GALNT13: variants seen among roughly 807,000 people sequenced by gnomAD.
The protein encoded by GALNT13 is UDP-GalNAc:polypeptide N-acetylgalactosaminyltransferase 13.
Under a neutral mutation model 64.2 loss-of-function variants are expected in GALNT13, and 28 were observed. The observed-to-expected ratio is 0.44, with a 90% CI of 0.32 to 0.60. The LOEUF (loss-of-function observed/expected upper bound fraction) is 0.60. Among genes scored for constraint, GALNT13 ranks in the 20% least tolerant of loss-of-function variants. GALNT13 has a pLI of 0.05. For missense variants in GALNT13, 577 were observed against 669.8 expected, an observed-to-expected ratio of 0.86 and a Z score of 1.53; for synonymous variants, 214 against 224.6, an observed-to-expected ratio of 0.95 and a Z score of 0.42.
intron 3 of GALNT13, among the ~76,000 whole-genome samples, chr2:154,010,563 C>T (rs1390538956): frequency 1.3e-5 from 2 of 152,022 alleles, no homozygotes; most frequent in African/African-American, 4.8e-5. Flanking sequence ...TTTGTTGTGT[C>T]TCTTCCAGCA....
At chr2:153,634,587 G>A in the GALNT13 span, among the ~76,000 whole-genome samples, 2 of 123,952 alleles carry the variant, frequency 1.6e-5, no homozygotes, top group East Asian at 4.7e-4. Context: ...GTCTCGCTCT[G>A]TCACCCAGGC....
the GALNT13 span, among the ~76,000 whole-genome samples, chr2:153,515,448 C>G: frequency 6.6e-6 from 1 of 152,188 alleles, no homozygotes; most frequent in African/African-American, 2.4e-5. Flanking sequence ...TACCCATTCT[C>G]CCACCATCAG....
chr2:153,484,910 T>C, the GALNT13 span, among the ~76,000 whole-genome samples: 1 of 152,240 alleles, frequency 6.6e-6, no homozygotes, highest in Non-Finnish European at 1.5e-5. Flanking sequence ...TTCCTGGGTC[T>C]ATCTACTGAG....
chr2:153,827,638 A>T, the GALNT13 span, among the ~76,000 whole-genome samples: 1 of 151,958 alleles, frequency 6.6e-6, no homozygotes, highest in Non-Finnish European at 1.5e-5. Flanking sequence ...AAAAAAAAAA[A>T]AAAAACGATT....
chr2:153,261,187 C>T, the GALNT13 span, among the ~76,000 whole-genome samples: 1 of 152,082 alleles, frequency 6.6e-6, no homozygotes, highest in Non-Finnish European at 1.5e-5. Flanking sequence ...ATCTCTGTCT[C>T]TTTGAGATTG....
the GALNT13 span, among the ~76,000 whole-genome samples, chr2:153,464,858 TAAA>T: frequency 6.6e-6 from 1 of 151,918 alleles, no homozygotes; most frequent in African/African-American, 2.4e-5. Context: ...TTTATTGAAA[TAAA>T]AAATAATAAA....
At chr2:153,351,168 A>G in the GALNT13 span, among the ~76,000 whole-genome samples, 2 of 152,188 alleles carry the variant, frequency 1.3e-5, no homozygotes, top group Admixed American at 1.3e-4. Flanking sequence ...TGGTGTGTGC[A>G]ACTTTACTTA....
intron 10 of GALNT13, among the ~76,000 whole-genome samples, chr2:154,402,019 T>C (rs1699323927): frequency 6.6e-6 from 1 of 152,174 alleles, no homozygotes; most frequent in Non-Finnish European, 1.5e-5. Context: ...AATATTAACA[T>C]TAAGCTCTGG....
At chr2:153,324,321 T>C in the GALNT13 span, among the ~76,000 whole-genome samples, 2 of 152,214 alleles carry the variant, frequency 1.3e-5, no homozygotes, top group African/African-American at 4.8e-5. Context: ...ATAGGAATGC[T>C]TGTGATTTTT....
At chr2:154,161,896 T>C (rs1241660999) in intron 4 of GALNT13, among the ~76,000 whole-genome samples, 1 of 151,924 alleles carries the variant, frequency 6.6e-6, no homozygotes, top group Admixed American at 6.6e-5. Flanking sequence ...TTCTCCTGCC[T>C]CAGCCACCCG....
chr2:153,332,738 A>G, the GALNT13 span, among the ~76,000 whole-genome samples: 3 of 152,086 alleles, frequency 2.0e-5, no homozygotes, highest in Admixed American at 1.3e-4. Context: ...TTGTTGCACA[A>G]TGATCTATAT....
chr2:153,794,356 A>G, the GALNT13 span, among the ~76,000 whole-genome samples: 24 of 152,224 alleles, frequency 1.6e-4, no homozygotes, highest in African/African-American at 5.3e-4. Context: ...TAAGTCATTT[A>G]TCTTTTAGAG....
At chr2:153,206,382 A>C in the GALNT13 span, among the ~76,000 whole-genome samples, 1 of 152,102 alleles carries the variant, frequency 6.6e-6, no homozygotes, top group Non-Finnish European at 1.5e-5. Context: ...TAAAGTGGGC[A>C]TTGTAATAAC....
At chr2:153,264,961 G>A in the GALNT13 span, among the ~76,000 whole-genome samples, 1 of 152,276 alleles carries the variant, frequency 6.6e-6, no homozygotes, top group Non-Finnish European at 1.5e-5. Context: ...AATTAAAAAT[G>A]TTCTCTTGGA....
chr2:153,974,631 A>C (rs1019411166), intron 3 of GALNT13, among the ~76,000 whole-genome samples: 1 of 152,104 alleles, frequency 6.6e-6, no homozygotes, highest in Non-Finnish European at 1.5e-5. Flanking sequence ...CTATGTAAAA[A>C]AATAAGTGGA....
At chr2:153,214,905 A>C in the GALNT13 span, among the ~76,000 whole-genome samples, 1 of 152,076 alleles carries the variant, frequency 6.6e-6, no homozygotes, top group Admixed American at 6.6e-5. Flanking sequence ...TCACCTAAAA[A>C]CTCTTGGGTA....
chr2:153,400,220 A>G, the GALNT13 span, among the ~76,000 whole-genome samples: 1 of 151,550 alleles, frequency 6.6e-6, no homozygotes, highest in South Asian at 2.1e-4. Flanking sequence ...TATATGCTGG[A>G]TTACATTTAT....
At chr2:153,625,786 G>A in the GALNT13 span, among the ~76,000 whole-genome samples, 27 of 151,636 alleles carry the variant, frequency 1.8e-4, 1 homozygote, top group Non-Finnish European at 7.4e-5. Flanking sequence ...ACAGGGGATC[G>A]TTCTTCATTC....
chr2:153,597,760 T>C, the GALNT13 span, among the ~76,000 whole-genome samples: 2 of 152,094 alleles, frequency 1.3e-5, no homozygotes, highest in African/African-American at 4.8e-5. Context: ...TATGTTCTTA[T>C]AGCTCAGTAA....
Sources: allele counts gnomAD v4.1 joint callset (sites outside exome capture counted in the v4.1 genomes callset), GRCh38; gene constraint gnomAD v4.1.1; transcripts MANE v1.5; gene names NCBI Gene and HGNC (gene_info 2026-07-23, HGNC 2026-07-21).